Variants in RORA observed in about 807,000 individuals in gnomAD.
The protein encoded by RORA is RAR related orphan receptor A, also known as nuclear receptor ROR-alpha.
In RORA, 7 loss-of-function variants were observed where a neutral mutation model predicts 69.5. The observed-to-expected ratio is 0.10, with a 90% CI of 0.06 to 0.19. The LOEUF is 0.19. RORA is among the 10% of genes least tolerant of loss of function. RORA has a pLI of 1.00. For missense variants in RORA, 457 were observed against 663.0 expected, an observed-to-expected ratio of 0.69 and a Z score of 3.41; for synonymous variants, 261 against 240.8, an observed-to-expected ratio of 1.08 and a Z score of -0.78.
At chr15:61,037,455 T>C (rs889601945) in intron 1 of RORA, among the ~76,000 whole-genome samples, 1 of 152,044 alleles carries the variant, frequency 6.6e-6, no homozygotes, top group African/African-American at 2.4e-5. Context: ...ACAATATCAA[T>C]CTCCTGTAGC....
chr15:60,516,197 T>TTATATATATATTTA (rs1275887370), intron 3 of RORA, among the ~76,000 whole-genome samples: 13 of 13,196 alleles, frequency 9.9e-4, no homozygotes, highest in African/African-American at 5.1e-3. Flanking sequence ...ATATATATAT[T>TTATATATATATTTA]TATATATATA....
intron 1 of RORA, among the ~76,000 whole-genome samples, chr15:61,113,720 T>C (rs913961469): frequency 6.6e-6 from 1 of 152,144 alleles, no homozygotes; most frequent in Non-Finnish European, 1.5e-5. Context: ...TGCGGATATA[T>C]ACATCCTCAC....
chr15:61,173,244 T>A (rs779790214), intron 1 of RORA, among the ~76,000 whole-genome samples: 5 of 152,178 alleles, frequency 3.3e-5, no homozygotes, highest in Non-Finnish European at 5.9e-5. Flanking sequence ...TTGCTCAAGA[T>A]CTTGCAGCTT....
intron 1 of RORA, among the ~76,000 whole-genome samples, chr15:60,972,661 C>G (rs764966063): frequency 6.6e-6 from 1 of 152,150 alleles, no homozygotes. Context: ...TTAAATGCTG[C>G]TCCAATGCTT....
intron 2 of RORA, among the ~76,000 whole-genome samples, chr15:60,629,305 G>A (rs148337635): frequency 0.012 from 1,726 of 147,026 alleles, 22 homozygotes; most frequent in African/African-American, 0.042. Context: ...TCCTGCCTCA[G>A]TCTCCCAAGT....
At chr15:60,605,180 T>A (rs17303055) in intron 2 of RORA, among the ~76,000 whole-genome samples, 7,918 of 152,200 alleles carry the variant, frequency 0.052, 283 homozygotes, top group East Asian at 0.14. Context: ...CGATATACTA[T>A]GTACATGTCA....
intron 2 of RORA, among the ~76,000 whole-genome samples, chr15:60,535,481 G>C (rs916214178): frequency 6.6e-6 from 1 of 152,222 alleles, no homozygotes; most frequent in African/African-American, 2.4e-5. Context: ...CGGGCATCAG[G>C]AAATCCTGGA....
rs757082136 is a variant in RORA, at chr15:60,490,688, A to G, written c.*6767T>C. 1.1e-4 allele frequency: 16 copies of G among 152,198 alleles called. No individual in the cohort carries two copies. The highest frequency in any genetic ancestry group is 2.2e-4 in the African/African-American group (9 of 41,464). The allele number at this position is 152,198 out of a possible 1,614,324, so 9.4% of individuals were successfully genotyped here. A position where few individuals can be genotyped will look rare whatever the true frequency, so the allele number is the denominator to read the frequency against. ...TCTAAAATTTGTATTTTTTAAGTCT[A>G]TGCACAAAAGTCATTTGTTTTATTG... On this transcript the variant is annotated 3_prime_UTR_variant, in exon 11 of 11. Coordinates refer to ENST00000335670, the MANE Select transcript of RORA (RefSeq NM_134261.3). This position sits in a 1 kb window ranked among gnomAD's most constrained non-coding sequence, Gnocchi z 4.1.
chr15:60,767,841 T>C (rs150427846), intron 1 of RORA, among the ~76,000 whole-genome samples: 3 of 152,364 alleles, frequency 2.0e-5, no homozygotes, highest in African/African-American at 7.2e-5. Context: ...CTGGGGCTCC[T>C]AGAGCCTCCA....
intron 1 of RORA, among the ~76,000 whole-genome samples, chr15:61,010,515 T>A (rs1566942547): frequency 6.6e-6 from 1 of 152,212 alleles, no homozygotes; most frequent in Non-Finnish European, 1.5e-5. Flanking sequence ...GATCACCTGG[T>A]CTGGCCAATT....
intron 2 of RORA, among the ~76,000 whole-genome samples, chr15:60,647,212 T>G (rs933295970): frequency 3.3e-5 from 5 of 152,248 alleles, no homozygotes; most frequent in Admixed American, 6.5e-5. Flanking sequence ...CTTTCCTTTA[T>G]GCTCAGATAT....
At chr15:61,092,286 T>G (rs926152801) in intron 1 of RORA, among the ~76,000 whole-genome samples, 1 of 152,140 alleles carries the variant, frequency 6.6e-6, no homozygotes, top group Non-Finnish European at 1.5e-5. Flanking sequence ...TTCAAAAAAA[T>G]GTGAAATAAA....
At chr15:60,540,368 C>T (rs1212418249) in intron 2 of RORA, among the ~76,000 whole-genome samples, 4 of 152,044 alleles carry the variant, frequency 2.6e-5, no homozygotes, top group South Asian at 2.1e-4. Context: ...TCTGCTCAAC[C>T]GAAAACATCA....
At chr15:60,641,483 C>G (rs1472124366) in intron 2 of RORA, among the ~76,000 whole-genome samples, 1 of 152,090 alleles carries the variant, frequency 6.6e-6, no homozygotes, top group African/African-American at 2.4e-5. Flanking sequence ...AATCTCAGCT[C>G]CCTGCAACCT....
Position 61,128,033 on chromosome 15 carries a change from A to G in RORA, c.166+101020T>C, listed in dbSNP as rs146161721. ...AGTCCAGTAGAAGAGGCTTACCCATAGGATTTTAAATCTGGAGGAAAAAAA... is the reference window on the plus strand; with the variant it reads ...AGTCCAGTAGAAGAGGCTTACCCATGGGATTTTAAATCTGGAGGAAAAAAA... On this transcript the variant is annotated intron_variant, in intron 1 of 10. Transcript: ENST00000335670. The surrounding 1 kb of genome is among the most constrained non-coding windows in gnomAD (Gnocchi z 4.5). Among the ~76,000 whole-genome samples the G allele has an allele frequency of 7.2e-5, 11 of 152,338 alleles. No individual in the cohort carries two copies. The highest frequency in any genetic ancestry group is 1.0e-4 in the Non-Finnish European group (7 of 68,036).
At chr15:61,062,942 T>C (rs2078207435) in intron 1 of RORA, among the ~76,000 whole-genome samples, 1 of 152,230 alleles carries the variant, frequency 6.6e-6, no homozygotes, top group African/African-American at 2.4e-5. Flanking sequence ...TAAGTTATGA[T>C]AATCTGAAAA....
intron 3 of RORA, among the ~76,000 whole-genome samples, chr15:60,520,997 A>G (rs937726090): frequency 7.2e-5 from 11 of 152,146 alleles, no homozygotes; most frequent in African/African-American, 2.7e-4. Context: ...AGCTATTGCA[A>G]ATAGAAAATT....
At chr15:61,025,528 G>A (rs74018180) in intron 1 of RORA, among the ~76,000 whole-genome samples, 5,269 of 152,256 alleles carry the variant, frequency 0.035, 214 homozygotes, top group East Asian at 0.21. Context: ...ATGAAAATGC[G>A]ACTCAGACAG....
chr15:61,212,819 C>G (rs1041055227), intron 1 of RORA, among the ~76,000 whole-genome samples: 3 of 152,130 alleles, frequency 2.0e-5, no homozygotes, highest in Non-Finnish European at 4.4e-5. Flanking sequence ...CCACTTAGAC[C>G]TTAGATTTAT....
Sources: allele counts gnomAD v4.1 joint callset (sites outside exome capture counted in the v4.1 genomes callset), GRCh38; gene constraint gnomAD v4.1.1; non-coding constraint Gnocchi (gnomAD v3.1); transcripts MANE v1.5; gene names NCBI Gene and HGNC (gene_info 2026-07-23, HGNC 2026-07-21).